The following FREM3 variants were observed in gnomAD, a reference collection of about 807,000 sequenced individuals.
FREM3 encodes FRAS1-related extracellular matrix protein 3.
In FREM3, 105 loss-of-function variants were observed where a neutral mutation model predicts 129.1. The observed-to-expected ratio is 0.81, with a 90% CI of 0.69 to 0.96. The LOEUF is 0.96. FREM3 is among the 40% of genes least tolerant of loss of function. FREM3 has a pLI of 0.00. For synonymous variants in FREM3, 1,014 were observed against 1,044.9 expected (o/e 0.97, Z 0.57); for missense variants, 2,593 against 2,666.3 (o/e 0.97, Z 0.61).
intron 2 of FREM3, among the ~76,000 whole-genome samples, chr4:143,663,542 G>T (rs995007679): frequency 6.6e-6 from 1 of 152,022 alleles, no homozygotes; most frequent in Admixed American, 6.6e-5. Flanking sequence ...CAACTTTGGT[G>T]AATCTGACAA....
In FREM3 at chr4:143,697,009, G is replaced by T. The variant is rs1042158408; in HGVS notation, c.3667C>A (p.Leu1223Met). 7 of 1,537,488 alleles carry T rather than the reference G, an allele frequency of 4.6e-6. No homozygotes were observed. In the African/African-American group the frequency reaches 9.6e-5, roughly 21 times the overall value. ...TGAAAGTGGAGCTCATTTGGTGGCAGGTCAGCATCTGCTCCATTAAGCAGC... is the reference window on the plus strand; with the variant it reads ...TGAAAGTGGAGCTCATTTGGTGGCATGTCAGCATCTGCTCCATTAAGCAGC... Reference protein sequence around the residue: ...TQLLNGADADLPPNELHFQLT... With the variant: ...TQLLNGADADMPPNELHFQLT... Residue 1223 changes from leucine to methionine, a missense_variant, in exon 1 of 8, where the codon CTG becomes ATG. This residue lies in a region of FREM3 where 2,276 missense variants were observed against 2,267.2 expected (regional missense o/e 1.00). Transcript: ENST00000329798.
At chr4:143,647,504 T>C (rs1280944631) in intron 2 of FREM3, among the ~76,000 whole-genome samples, 1 of 152,120 alleles carries the variant, frequency 6.6e-6, no homozygotes, top group South Asian at 2.1e-4. Flanking sequence ...AAAAATTGTT[T>C]TGTGGGATGG....
At chr4:143,589,896 T>C (rs1305655532) in intron 6 of FREM3, among the ~76,000 whole-genome samples, 200 of 152,326 alleles carry the variant, frequency 1.3e-3, no homozygotes, top group Non-Finnish European at 1.8e-4. Context: ...TTCCATTTCT[T>C]TGTATCCTCT....
chr4:143,640,962 A>G (rs554279809), intron 2 of FREM3, among the ~76,000 whole-genome samples: 2 of 152,280 alleles, frequency 1.3e-5, no homozygotes, highest in East Asian at 3.9e-4. Context: ...GGTCATATAG[A>G]GTTGTACTTG....
chr4:143,692,225 G>A (rs1160655357), intron 2 of FREM3, among the ~76,000 whole-genome samples: 1 of 152,096 alleles, frequency 6.6e-6, no homozygotes, highest in Non-Finnish European at 1.5e-5. Flanking sequence ...TTATACATGG[G>A]GGAATGAATG....
chr4:143,595,624 T>C (rs533948260), intron 6 of FREM3, among the ~76,000 whole-genome samples: 11 of 152,280 alleles, frequency 7.2e-5, no homozygotes, highest in Non-Finnish European at 1.3e-4. Flanking sequence ...ACCGTGGCTC[T>C]TGCCTGTAAT....
At chr4:143,658,589 C>A (rs1194941325) in intron 2 of FREM3, among the ~76,000 whole-genome samples, 1 of 152,244 alleles carries the variant, frequency 6.6e-6, no homozygotes, top group African/African-American at 2.4e-5. Context: ...AGGATGAAGT[C>A]TATCGACATC....
chr4:143,673,779 G>A (rs1740050881), intron 2 of FREM3, among the ~76,000 whole-genome samples: 1 of 152,230 alleles, frequency 6.6e-6, no homozygotes, highest in African/African-American at 2.4e-5. Flanking sequence ...ACCTACTCAA[G>A]CCTCAGCAAT....
At chr4:143,669,262 A>G (rs1345867519) in intron 2 of FREM3, among the ~76,000 whole-genome samples, 1 of 152,212 alleles carries the variant, frequency 6.6e-6, no homozygotes, top group African/African-American at 2.4e-5. Context: ...CACACAGATC[A>G]TAACTCTATT....
intron 2 of FREM3, among the ~76,000 whole-genome samples, chr4:143,685,445 T>A (rs1740342962): frequency 6.6e-6 from 1 of 152,122 alleles, no homozygotes; most frequent in South Asian, 2.1e-4. Flanking sequence ...GATGAACAAG[T>A]GCTGAGGGAA....
chr4:143,588,340 C>A (rs922289184), intron 6 of FREM3, among the ~76,000 whole-genome samples: 2 of 151,680 alleles, frequency 1.3e-5, no homozygotes, highest in Non-Finnish European at 2.9e-5. Context: ...TACGCTGTAC[C>A]CATTAACTCA....
At chr4:143,643,629 G>C (rs553672846) in intron 2 of FREM3, among the ~76,000 whole-genome samples, 14 of 148,806 alleles carry the variant, frequency 9.4e-5, no homozygotes, top group Non-Finnish European at 2.1e-4. Context: ...TAGAAACAGA[G>C]AGCAGAACAG....
In FREM3 at chr4:143,696,411, A is replaced by G. The variant is rs1740569634; in HGVS notation, c.4265T>C (p.Leu1422Ser). The change falls in exon 1 of 8, where the codon TTA becomes TCA. Residue 1422 changes from leucine (L) to serine (S), a missense_variant. Leu to Ser is a moderately radical substitution (Grantham distance 145). Transcript: ENST00000329798. ...GATTACCTCAGGGAAGACGCTGTCT[A>G]AGTTGCCAATGGTGACATAGAAGTA... ...DHYFYVTIGN[L>S]DSVFPEVISK... 6.5e-7 allele frequency: 1 copy of G among 1,537,478 alleles called. No individual in the cohort carries two copies. The highest frequency in any genetic ancestry group is 1.2e-5 in the South Asian group (1 of 84,054).
rs374683715 is a variant in FREM3 at position 143,649,794 on chromosome 4, A to G, written c.5276-22034T>C. Reference sequence around the variant, plus strand: ...TAGATAACAGAATTGCAGATTATTTATGAAAAATTAAGGTCTGTTTACACA... The same window carrying G: ...TAGATAACAGAATTGCAGATTATTTGTGAAAAATTAAGGTCTGTTTACACA... On this transcript the variant is annotated intron_variant, in intron 2 of 7. Coordinates refer to ENST00000329798, the MANE Select transcript of FREM3 (RefSeq NM_001168235.2). Among the ~76,000 whole-genome samples, 4 of 152,330 alleles carry G rather than the reference A, an allele frequency of 2.6e-5. No individual in the cohort carries two copies. The East Asian group carries it at 7.7e-4, about 29-fold the overall frequency.
intron 2 of FREM3, among the ~76,000 whole-genome samples, chr4:143,654,563 G>A (rs1311745195): frequency 6.6e-5 from 10 of 152,150 alleles, no homozygotes; most frequent in Admixed American, 1.3e-4. Flanking sequence ...CAAATTCTCC[G>A]GGGAAAATGA....
intron 6 of FREM3, among the ~76,000 whole-genome samples, chr4:143,607,663 GATC>G (rs1209692047): frequency 6.6e-6 from 1 of 152,114 alleles, no homozygotes; most frequent in African/African-American, 2.4e-5. Flanking sequence ...GACAAGAAGA[GATC>G]ATCTTTTCAT....
At chr4:143,593,596 G>A (rs972657567) in intron 6 of FREM3, among the ~76,000 whole-genome samples, 2 of 152,220 alleles carry the variant, frequency 1.3e-5, no homozygotes, top group Non-Finnish European at 2.9e-5. Flanking sequence ...TCCTCTGGAA[G>A]TTTTGTCTCA....
intron 2 of FREM3, among the ~76,000 whole-genome samples, chr4:143,666,781 G>T (rs987817962): frequency 2.0e-5 from 3 of 151,216 alleles, no homozygotes; most frequent in African/African-American, 7.3e-5. Flanking sequence ...GTGATGGAAG[G>T]TTGTGAAAAC....
chr4:143,588,740 T>G (rs1192535300), intron 6 of FREM3, among the ~76,000 whole-genome samples: 7 of 151,514 alleles, frequency 4.6e-5, no homozygotes, highest in Non-Finnish European at 7.4e-5. Context: ...ATGATTTATA[T>G]TCCTTTGGGT....
Sources: gnomAD v4.1 joint callset for allele counts (sites outside exome capture counted in the v4.1 genomes callset) on GRCh38, gnomAD v4.1.1 for gene constraint, gnomAD v4.1.1 regional missense constraint, MANE v1.5 for transcripts, NCBI Gene and HGNC (gene_info 2026-07-23, HGNC 2026-07-21) for gene names.